The following XYLT1 variants were observed in gnomAD, a reference collection of about 807,000 sequenced individuals.
XYLT1 encodes the protein xylosyltransferase 1, also known as beta-D-xylosyltransferase 1.
A neutral mutation model predicts 91.3 loss-of-function variants in XYLT1; 36 were observed. The ratio of observed to expected loss-of-function variants is 0.39; its 90% CI spans 0.30 to 0.52. XYLT1 has a LOEUF of 0.52. Among genes scored for constraint, XYLT1 ranks in the 20% least tolerant of loss-of-function variants. The pLI, the probability that XYLT1 is intolerant of heterozygous loss-of-function variation, is 0.68. For synonymous variants in XYLT1, 588 were observed against 532.0 expected (o/e 1.11, Z -1.45); for missense variants, 1,242 against 1,284.5 (o/e 0.97, Z 0.51).
intron 2 of XYLT1, among the ~76,000 whole-genome samples, chr16:17,304,044 T>C (rs1265210520): frequency 6.6e-6 from 1 of 152,154 alleles, no homozygotes; most frequent in Admixed American, 6.5e-5. Context: ...TATATGATAG[T>C]TCATAAGACA....
intron 2 of XYLT1, among the ~76,000 whole-genome samples, chr16:17,282,038 G>A (rs555663464): frequency 1.5e-4 from 23 of 152,220 alleles, no homozygotes; most frequent in Admixed American, 2.6e-4. Flanking sequence ...CTGTCTTCCC[G>A]GCCAGAGCTC....
At chr16:17,192,906 G>A (rs1597181903) in intron 5 of XYLT1, 1 of 147,480 alleles carries the variant, frequency 6.8e-6, no homozygotes, top group South Asian at 2.2e-4. Context: ...TCTGCCTCCC[G>A]AGTTCAAGTG....
chr16:17,167,803 T>C (rs968707898), intron 5 of XYLT1, among the ~76,000 whole-genome samples: 1 of 152,040 alleles, frequency 6.6e-6, no homozygotes, highest in African/African-American at 2.4e-5. Context: ...TTCTAATTCA[T>C]CCTTCCATCT....
chr16:17,386,709 G>C (rs928926828), intron 1 of XYLT1, among the ~76,000 whole-genome samples: 2 of 152,176 alleles, frequency 1.3e-5, no homozygotes, highest in Admixed American at 6.5e-5. Flanking sequence ...CAGTAATCCA[G>C]TGTTCATATT....
At chr16:17,334,677 TCTA>T (rs965535483) in intron 2 of XYLT1, among the ~76,000 whole-genome samples, 1 of 152,124 alleles carries the variant, frequency 6.6e-6, no homozygotes, top group African/African-American at 2.4e-5. Context: ...TAAAAAAAGA[TCTA>T]CTATTATCCT....
At chr16:17,383,316 G>A (rs986788238) in intron 1 of XYLT1, among the ~76,000 whole-genome samples, 5 of 151,760 alleles carry the variant, frequency 3.3e-5, no homozygotes, top group East Asian at 4.0e-4. Context: ...AATTCAAGAC[G>A]TTTTATTGGA....
intron 2 of XYLT1, among the ~76,000 whole-genome samples, chr16:17,263,692 CTTCAA>C (rs988574379): frequency 3.3e-5 from 5 of 151,868 alleles, no homozygotes; most frequent in African/African-American, 7.3e-5. Flanking sequence ...GGCTTCCCCC[CTTCAA>C]TTCATTTTTT....
intron 1 of XYLT1, chr16:17,446,462 T>C (rs2036592778): frequency 6.6e-6 from 1 of 152,110 alleles, no homozygotes; most frequent in South Asian, 2.1e-4. Context: ...TCCAAGCTCA[T>C]CCAATTAGGA....
At chr16:17,141,771 T>C (rs1344883107) in intron 6 of XYLT1, among the ~76,000 whole-genome samples, 2 of 152,194 alleles carry the variant, frequency 1.3e-5, no homozygotes, top group Non-Finnish European at 2.9e-5. Flanking sequence ...TGTCTCAGAA[T>C]AGTACTCTTC....
At chr16:17,242,811 T>C (rs1473374076) in intron 3 of XYLT1, among the ~76,000 whole-genome samples, 3 of 152,196 alleles carry the variant, frequency 2.0e-5, no homozygotes, top group Admixed American at 2.0e-4. Context: ...ATCCTACTCC[T>C]GTCTCTAGGA....
At chr16:17,188,804 A>G (rs904402011) in intron 5 of XYLT1, among the ~76,000 whole-genome samples, 3 of 152,084 alleles carry the variant, frequency 2.0e-5, no homozygotes, top group African/African-American at 7.2e-5. Context: ...AAGCAACCCT[A>G]TGGGGTGGTG....
rs1409664962 is a variant in XYLT1, at chr16:17,106,432, A to G, written c.*2263T>C. On this transcript the variant is annotated 3_prime_UTR_variant, in exon 12 of 12. Transcript: ENST00000261381. Reference sequence around the variant, plus strand: ...TAAAAGAGATCATAGGGGCTTTCTGAGAAAAGTACCCTGAGATCCCTGGAA... The same window carrying G: ...TAAAAGAGATCATAGGGGCTTTCTGGGAAAAGTACCCTGAGATCCCTGGAA... The G allele has an allele frequency of 6.6e-6, 1 of 152,194 alleles. No homozygotes were observed. The highest frequency in any genetic ancestry group is 1.5e-5 in the Non-Finnish European group (1 of 68,058). The allele number at this position is 152,194 out of a possible 1,614,324, so 9.4% of individuals were successfully genotyped here.
chr16:17,416,273 G>A lies in XYLT1; in HGVS notation c.363+54161C>T, dbSNP rs116409579. On this transcript the variant is annotated intron_variant, in intron 1 of 11. Transcript: ENST00000261381. ...GGGATAAACTGTGAGACTCCACGGC[G>A]ATGCTATTTCAGGGACAAAAAGAAG... is the stretch of plus-strand genomic sequence containing the variant. 3.5e-3 allele frequency among the ~76,000 whole-genome samples: 540 copies of A among 152,348 alleles called. 6 individuals carry two copies. The highest frequency in any genetic ancestry group is 9.9e-3 in the African/African-American group (411 of 41,580).
intron 3 of XYLT1, among the ~76,000 whole-genome samples, chr16:17,214,564 G>A (rs777202271): frequency 6.6e-6 from 1 of 152,080 alleles, no homozygotes; most frequent in Non-Finnish European, 1.5e-5. Context: ...ACTAAGTTTG[G>A]GGGGGTTTGC....
intron 1 of XYLT1, among the ~76,000 whole-genome samples, chr16:17,421,749 G>A (rs1261414897): frequency 6.6e-6 from 1 of 152,136 alleles, no homozygotes; most frequent in Non-Finnish European, 1.5e-5. Context: ...CCCTTCCTAA[G>A]GTCCTGATCC....
intron 2 of XYLT1, among the ~76,000 whole-genome samples, chr16:17,260,596 C>T (rs1175944942): frequency 1.3e-5 from 2 of 152,170 alleles, no homozygotes; most frequent in Admixed American, 1.3e-4. Context: ...AGCGGATCTG[C>T]AGGGGTACCC....
At chr16:17,423,852 G>A (rs796770735) in intron 1 of XYLT1, among the ~76,000 whole-genome samples, 12 of 152,264 alleles carry the variant, frequency 7.9e-5, no homozygotes, top group African/African-American at 2.9e-4. Context: ...TTGACCTGGT[G>A]ATCTCCCTGC....
intron 5 of XYLT1, among the ~76,000 whole-genome samples, chr16:17,175,330 A>C (rs1172442038): frequency 1.3e-5 from 2 of 152,168 alleles, no homozygotes; most frequent in East Asian, 3.9e-4. Flanking sequence ...TGATCATAAC[A>C]ATAATAAGTA....
intron 1 of XYLT1, among the ~76,000 whole-genome samples, chr16:17,429,562 C>T (rs1361354627): frequency 6.6e-6 from 1 of 152,142 alleles, no homozygotes; most frequent in Non-Finnish European, 1.5e-5. Context: ...GATTGGGCCA[C>T]GGGGTGCCCA....
Sources: allele counts gnomAD v4.1 joint callset (sites outside exome capture counted in the v4.1 genomes callset), GRCh38; gene constraint gnomAD v4.1.1; transcripts MANE v1.5; gene names NCBI Gene and HGNC (gene_info 2026-07-23, HGNC 2026-07-21).